Variants in LHCGR observed in about 807,000 individuals in gnomAD.
The protein encoded by LHCGR is luteinizing hormone/choriogonadotropin receptor, also known as lutropin-choriogonadotropic hormone receptor.
Under a neutral mutation model 60.7 loss-of-function variants are expected in LHCGR, and 55 were observed. The observed-to-expected ratio is 0.91, with a 90% CI of 0.73 to 1.13. LHCGR has a LOEUF of 1.13. Among genes scored for constraint, LHCGR ranks in the 50% most tolerant of loss-of-function variants. The probability of loss-of-function intolerance (pLI) is 0.00; values close to 1 mark genes in which losing one functional copy is unlikely to be tolerated. For missense variants in LHCGR, 862 were observed against 836.0 expected (o/e 1.03, Z -0.38); for synonymous variants, 337 against 316.5 (o/e 1.06, Z -0.69).
chr2:48,737,104 C>G (rs1210957318), intron 1 of LHCGR, among the ~76,000 whole-genome samples: 1 of 152,204 alleles, frequency 6.6e-6, no homozygotes, highest in Non-Finnish European at 1.5e-5. Context: ...ACTGTATAGG[C>G]TCTTTGGTCA....
chr2:48,736,746 A>T (rs143988825), intron 1 of LHCGR, among the ~76,000 whole-genome samples: 212 of 152,290 alleles, frequency 1.4e-3, no homozygotes, highest in African/African-American at 3.2e-3. Context: ...TAAAAATTTT[A>T]AAAAAATCTG....
At position 48,701,976 on chromosome 2, in the gene LHCGR, TTACTTAC is replaced by T. The variant is rs1165909361; in HGVS notation, c.681-3183_681-3177del. On this transcript the variant is annotated intron_variant, in intron 8 of 10. Coordinates refer to ENST00000294954, the MANE Select transcript of LHCGR (RefSeq NM_000233.4). ...ACTAAGGGCAAGGACCAGGGCTATT[TTACTTAC>T]TACTGTCTGTTCACCACGGTGCCTG... Among the ~76,000 whole-genome samples, 19 of 152,330 alleles carry T rather than the reference TTACTTAC, an allele frequency of 1.2e-4. 1 individual carries two copies. The South Asian group carries it at 3.9e-3, about 32-fold the overall frequency.
At chr2:48,721,284 T>A (rs1668482895) in intron 6 of LHCGR, 1 of 159,680 alleles carries the variant, frequency 6.3e-6, no homozygotes, top group Non-Finnish European at 1.4e-5. Flanking sequence ...GGGGACATGA[T>A]GAATGAGTAG....
At chr2:48,743,946 C>G (rs1423493842) in intron 1 of LHCGR, among the ~76,000 whole-genome samples, 1 of 150,360 alleles carries the variant, frequency 6.7e-6, no homozygotes, top group East Asian at 1.9e-4. Flanking sequence ...TAGAAAACCC[C>G]ATTGTCTCAG....
At chr2:48,716,615 G>T (rs1390008849) in intron 6 of LHCGR, among the ~76,000 whole-genome samples, 1 of 152,146 alleles carries the variant, frequency 6.6e-6, no homozygotes, top group African/African-American at 2.4e-5. Flanking sequence ...TAGGTACAGG[G>T]TTGATGCCTG....
chr2:48,697,578 C>T (rs1572823681), intron 9 of LHCGR, among the ~76,000 whole-genome samples: 1 of 152,338 alleles, frequency 6.6e-6, no homozygotes, highest in Middle Eastern at 3.4e-3. Context: ...GGAGCTGAAC[C>T]TCCTATATGC....
At chr2:48,694,759 T>C (rs1667036064) in intron 9 of LHCGR, among the ~76,000 whole-genome samples, 1 of 152,102 alleles carries the variant, frequency 6.6e-6, no homozygotes, top group Non-Finnish European at 1.5e-5. Flanking sequence ...ATGATGTGAA[T>C]TTCAGGTTAT....
At chr2:48,721,648 G>C (rs1351465621) in intron 6 of LHCGR, 1 of 468,882 alleles carries the variant, frequency 2.1e-6, no homozygotes, top group Non-Finnish European at 4.4e-6. Context: ...TGATATAAAA[G>C]AGAGTCCTCT....
At chr2:48,704,306 G>A (rs1015901492) in intron 8 of LHCGR, among the ~76,000 whole-genome samples, 5 of 152,206 alleles carry the variant, frequency 3.3e-5, no homozygotes, top group Admixed American at 6.5e-5. Flanking sequence ...TTTTATGGAG[G>A]ATTTTCGCAT....
chr2:48,688,437 C>T lies in LHCGR; in HGVS notation c.1360G>A (p.Val454Ile), dbSNP rs114320052. 2.0e-4 allele frequency: 329 copies of T among 1,614,102 alleles called. No individual in the cohort carries two copies. In the African/African-American group the frequency reaches 4.2e-3, roughly 21 times the overall value. Reference sequence around the variant, plus strand: ...AGAGTGATGACGGTGAGGGTGTAGACAGAAAGTTCACTTGCGAATACAGTG... The same window carrying T: ...AGAGTGATGACGGTGAGGGTGTAGATAGAAAGTTCACTTGCGAATACAGTG... ...FFTVFASELS[V>I]YTLTVITLER... is the part of the protein sequence containing the mutation. Residue 454 changes from valine to isoleucine, a missense_variant, in exon 11 of 11, where the codon GTC becomes ATC. Transcript: ENST00000294954. This position sits in a 1 kb window ranked among gnomAD's most constrained non-coding sequence, Gnocchi z 5.2.
intron 1 of LHCGR, among the ~76,000 whole-genome samples, chr2:48,753,652 G>A (rs1670079393): frequency 6.6e-6 from 1 of 152,174 alleles, no homozygotes. Flanking sequence ...GCCTTTTCCA[G>A]GGAAGGGGGT....
intron 1 of LHCGR, among the ~76,000 whole-genome samples, chr2:48,737,151 A>G (rs1669236729): frequency 6.6e-6 from 1 of 152,212 alleles, no homozygotes; most frequent in Admixed American, 6.5e-5. Context: ...TGCCCAACAC[A>G]TGGCAGAAGT....
chr2:48,708,792 G>A, intron 8 of LHCGR, 156 bp downstream of exon 8: 1 of 736,526 alleles, frequency 1.4e-6, no homozygotes, highest in South Asian at 1.5e-5. Flanking sequence ...ACTTTATTAT[G>A]GCAGCTGTGA....
intron 1 of LHCGR, among the ~76,000 whole-genome samples, chr2:48,750,062 C>T (rs1036179369): frequency 1.3e-5 from 2 of 152,146 alleles, no homozygotes; most frequent in African/African-American, 4.8e-5. Context: ...GCCTTTGTTT[C>T]TTTAGGGGTG....
chr2:48,713,227 AAG>A (rs5831002), intron 7 of LHCGR, among the ~76,000 whole-genome samples: 131,254 of 151,968 alleles, frequency 0.86, 56,924 homozygotes, highest in Non-Finnish European at 0.9. Flanking sequence ...TTGATTTTAA[AAG>A]CCTTTTTTGT....
At chr2:48,691,747 G>A (rs984557507) in intron 10 of LHCGR, among the ~76,000 whole-genome samples, 4 of 151,456 alleles carry the variant, frequency 2.6e-5, no homozygotes, top group Non-Finnish European at 4.4e-5. Context: ...TTGGGAGGTT[G>A]AGGCAGGAGA....
chr2:48,751,114 T>TG (rs1209070540), intron 1 of LHCGR, among the ~76,000 whole-genome samples: 1 of 151,152 alleles, frequency 6.6e-6, no homozygotes, highest in South Asian at 2.1e-4. Flanking sequence ...GGAGGTGGAG[T>TG]GGGGGTGGGG....
At chr2:48,741,873 T>C (rs1012738349) in intron 1 of LHCGR, among the ~76,000 whole-genome samples, 1 of 150,672 alleles carries the variant, frequency 6.6e-6, no homozygotes, top group Non-Finnish European at 1.5e-5. Context: ...GACTAAATGC[T>C]CCAATTAAAA....
At chr2:48,723,259 G>T (rs899330854) in intron 6 of LHCGR, among the ~76,000 whole-genome samples, 197 bp downstream of exon 6, 9 of 152,156 alleles carry the variant, frequency 5.9e-5, no homozygotes, top group African/African-American at 1.9e-4. Flanking sequence ...AAACTGAATT[G>T]GTTGGTTGGT....
Sources: gnomAD v4.1 joint callset for allele counts (sites outside exome capture counted in the v4.1 genomes callset) on GRCh38, gnomAD v4.1.1 for gene constraint, Gnocchi (gnomAD v3.1) non-coding constraint, MANE v1.5 for transcripts, NCBI Gene and HGNC (gene_info 2026-07-23, HGNC 2026-07-21) for gene names.